The following FAR2 variants were observed in gnomAD, a reference collection of about 807,000 sequenced individuals.
FAR2 encodes the protein epididymis secretory protein Li 81.
In FAR2, 19 loss-of-function variants were observed where a neutral mutation model predicts 56.0. The ratio of observed to expected loss-of-function variants is 0.34; its 90% CI spans 0.24 to 0.50. The LOEUF (loss-of-function observed/expected upper bound fraction) is 0.50, where lower values mean the gene tolerates loss of function less well. Ranked by LOEUF, FAR2 falls within the 20% of genes least tolerant of loss-of-function variation. The pLI, the probability that FAR2 is intolerant of heterozygous loss-of-function variation, is 0.98. For missense variants in FAR2, 508 were observed against 642.2 expected (o/e 0.79, Z 2.26); for synonymous variants, 219 against 218.8 (o/e 1.00, Z -0.01).
At chr12:29,286,056 C>G (rs899059825) in intron 2 of FAR2, among the ~76,000 whole-genome samples, 14 of 19,450 alleles carry the variant, frequency 7.2e-4, no homozygotes, top group African/African-American at 2.5e-3. Flanking sequence ...TGACCCAACA[C>G]ACACACAGAC....
intron 1 of FAR2, among the ~76,000 whole-genome samples, chr12:29,197,987 A>C (rs1174193368): frequency 6.6e-6 from 1 of 152,230 alleles, no homozygotes; most frequent in African/African-American, 2.4e-5. Flanking sequence ...AAATGTAATG[A>C]TTATATTAAG....
chr12:29,287,317 G>A (rs1948894622), intron 2 of FAR2, among the ~76,000 whole-genome samples: 1 of 152,186 alleles, frequency 6.6e-6, no homozygotes, highest in South Asian at 2.1e-4. Flanking sequence ...CTTCGCTAAA[G>A]CACTAAAAAC....
At chr12:29,231,336 G>A (rs1457625165) in intron 1 of FAR2, among the ~76,000 whole-genome samples, 2 of 152,198 alleles carry the variant, frequency 1.3e-5, no homozygotes, top group Non-Finnish European at 2.9e-5. Flanking sequence ...AGGTGAAAGA[G>A]AGGGAGGTGT....
chr12:29,205,539 A>G (rs984801157), intron 1 of FAR2, among the ~76,000 whole-genome samples: 4 of 152,210 alleles, frequency 2.6e-5, no homozygotes, highest in Non-Finnish European at 4.4e-5. Context: ...TTTGGTAGGT[A>G]TGTGGTGATA....
At chr12:29,175,766 C>A (rs1354020068) in intron 1 of FAR2, among the ~76,000 whole-genome samples, 2 of 151,782 alleles carry the variant, frequency 1.3e-5, no homozygotes, top group African/African-American at 2.4e-5. Context: ...TTAGCGAGAC[C>A]CAGAGCGCTG....
chr12:29,207,227 G>A (rs908252133), intron 1 of FAR2, among the ~76,000 whole-genome samples: 4 of 152,098 alleles, frequency 2.6e-5, no homozygotes, highest in South Asian at 4.1e-4. Context: ...GCTTTCCTCC[G>A]TATCATGTAT....
chr12:29,309,492 G>C (rs74077152), intron 6 of FAR2, among the ~76,000 whole-genome samples: 3,482 of 152,162 alleles, frequency 0.023, 122 homozygotes, highest in African/African-American at 0.079. Context: ...GAGCATCAAG[G>C]ACTTTTCTTT....
intron 1 of FAR2, among the ~76,000 whole-genome samples, chr12:29,257,499 C>T (rs973755884): frequency 1.4e-4 from 21 of 152,182 alleles, no homozygotes; most frequent in African/African-American, 2.2e-4. Flanking sequence ...TCCTCTTCCA[C>T]GCTGTGGAAG....
At position 29,210,350 on chromosome 12, in the gene FAR2, A is replaced by G. The variant is rs1386413627; in HGVS notation, c.-38-60062A>G. Among the ~76,000 whole-genome samples, 3 of 152,240 alleles carry G rather than the reference A, an allele frequency of 2.0e-5. No individual in the cohort carries two copies. In the East Asian group the frequency reaches 5.8e-4, roughly 29 times the overall value. ...AAGGTAACAGAAACTCAAAAATACT[A>G]TCCAAAGTCGGGACCTTGCAAGTGT... On this transcript the variant is annotated intron_variant, in intron 1 of 11. Transcript: ENST00000536681.
intron 1 of FAR2, among the ~76,000 whole-genome samples, chr12:29,161,180 T>G (rs1232782311): frequency 6.6e-6 from 1 of 152,210 alleles, no homozygotes; most frequent in African/African-American, 2.4e-5. Context: ...CAAATGCATT[T>G]AACACACACA....
At chr12:29,299,745 G>GT (rs1949130254) in intron 4 of FAR2, among the ~76,000 whole-genome samples, 1 of 152,150 alleles carries the variant, frequency 6.6e-6, no homozygotes, top group Admixed American at 6.5e-5. Flanking sequence ...TCATGCTGCA[G>GT]TCACAAAGAA....
chr12:29,158,174 T>C (rs1349825258), intron 1 of FAR2, among the ~76,000 whole-genome samples: 1 of 152,212 alleles, frequency 6.6e-6, no homozygotes. Context: ...TGTCAGTAAA[T>C]AATAATAAGT....
At chr12:29,208,786 A>G (rs1171006115) in intron 1 of FAR2, among the ~76,000 whole-genome samples, 3 of 152,228 alleles carry the variant, frequency 2.0e-5, no homozygotes, top group Non-Finnish European at 4.4e-5. Context: ...TGAAAAGGAA[A>G]TCATTGTGTG....
rs115486397 is a variant in FAR2, at chr12:29,321,760, C to T, written c.1128-35C>T. 9.1e-4 allele frequency: 1,463 copies of T among 1,605,758 alleles called. 10 individuals are homozygous for T. In the African/African-American group the frequency reaches 0.011, roughly 12 times the overall value. On this transcript the variant is annotated intron_variant, in intron 9 of 11. Transcript: ENST00000536681. ...CCTGTAGAGTGACAGGGAAGTGGTG[C>T]GCTGATATTTACTCCTATCTGATGG...
chr12:29,180,312 G>T (rs1309999210), intron 1 of FAR2, among the ~76,000 whole-genome samples: 1 of 152,176 alleles, frequency 6.6e-6, no homozygotes, highest in African/African-American at 2.4e-5. Flanking sequence ...GAGTAGTAAT[G>T]ACTCAATGAT....
chr12:29,215,900 A>G (rs993405662), intron 1 of FAR2, among the ~76,000 whole-genome samples: 2 of 152,320 alleles, frequency 1.3e-5, no homozygotes, highest in Admixed American at 6.5e-5. Flanking sequence ...GGAGAGCTTT[A>G]AATATATAAC....
At chr12:29,207,471 C>G (rs1189878869) in intron 1 of FAR2, among the ~76,000 whole-genome samples, 5 of 152,162 alleles carry the variant, frequency 3.3e-5, no homozygotes. Context: ...GTAAAGCAGG[C>G]CACCCTGGGT....
chr12:29,317,643 T>TGA (rs1489994046), intron 9 of FAR2: 3 of 152,638 alleles, frequency 2.0e-5, no homozygotes, highest in Admixed American at 6.5e-5. Flanking sequence ...TGAGACTCTG[T>TGA]CACTAGGGTT....
At position 29,247,742 on chromosome 12, in the gene FAR2, T is replaced by A. The variant is rs1029175388; in HGVS notation, c.-38-22670T>A. On this transcript the variant is annotated intron_variant, in intron 1 of 11. Transcript: ENST00000536681. ...ACTTTATTTCTAAACTCTGCATGGA[T>A]AAACCTGTATAAGTCTCTTAACCCA... Among the ~76,000 whole-genome samples the A allele has an allele frequency of 1.2e-4, 18 of 152,326 alleles. No homozygotes were observed. The East Asian group carries it at 1.7e-3, about 15-fold the overall frequency.
Sources: gnomAD v4.1 joint callset for allele counts (sites outside exome capture counted in the v4.1 genomes callset) on GRCh38, gnomAD v4.1.1 for gene constraint, MANE v1.5 for transcripts, NCBI Gene and HGNC (gene_info 2026-07-23, HGNC 2026-07-21) for gene names.